Variants in NAPA observed in about 807,000 individuals in gnomAD.
NAPA encodes the protein alpha-soluble NSF attachment protein.
In NAPA, 18 loss-of-function variants were observed where a neutral mutation model predicts 48.0. The observed-to-expected ratio is 0.38, with a 90% CI of 0.26 to 0.56. NAPA has a LOEUF of 0.56. Among genes scored for constraint, NAPA ranks in the 20% least tolerant of loss-of-function variants. The probability of loss-of-function intolerance (pLI) is 0.77; values close to 1 mark genes in which losing one functional copy is unlikely to be tolerated. For missense variants in NAPA, 315 were observed against 385.0 expected (o/e 0.82, Z 1.52); for synonymous variants, 152 against 149.9 (o/e 1.01, Z -0.10).
downstream of NAPA, among the ~76,000 whole-genome samples, chr19:47,485,171 C>T (rs1405408657): frequency 6.6e-6 from 1 of 152,204 alleles, no homozygotes; most frequent in Non-Finnish European, 1.5e-5. Context: ...CAAGGGCCTA[C>T]TGTTACCCTC....
At position 47,495,717 on chromosome 19, in the gene NAPA, A is replaced by T. The variant is rs553897242; in HGVS notation, c.296-121T>A. 1.5e-4 allele frequency: 129 copies of T among 874,528 alleles called. 1 individual carries two copies. The African/African-American group carries it at 1.9e-3, about 13-fold the overall frequency. 54.2% of individuals were successfully genotyped at this position (874,528 alleles called of 1,614,324 possible). A position where few individuals can be genotyped will look rare whatever the true frequency, so the allele number is the denominator to read the frequency against. Reference sequence around the variant, plus strand: ...AGCAGAGAGATCAATAGGCGCTCAGAGCTGCCAGCGCTGCCACACACTCTC... The same window carrying T: ...AGCAGAGAGATCAATAGGCGCTCAGTGCTGCCAGCGCTGCCACACACTCTC... On this transcript the variant is annotated intron_variant, in intron 3 of 10. Transcript: ENST00000263354.
intron 9 of NAPA, among the ~76,000 whole-genome samples, chr19:47,490,366 TGTGTGTGTA>T (rs1170394965): frequency 5.8e-4 from 85 of 146,646 alleles, no homozygotes; most frequent in African/African-American, 2.0e-3. Flanking sequence ...CTGTGTGTGG[TGTGTGTGTA>T]GTGTGTGTGG....
chr19:47,500,342 TG>T (rs1327747326), intron 3 of NAPA, among the ~76,000 whole-genome samples: 1 of 152,054 alleles, frequency 6.6e-6, no homozygotes, highest in Non-Finnish European at 1.5e-5. Context: ...GGGTCTGCAA[TG>T]GAACTCCCAC....
At chr19:47,495,482 A>G in intron 4 of NAPA, 68 bp downstream of exon 4, 1 of 1,519,628 alleles carries the variant, frequency 6.6e-7, no homozygotes, top group South Asian at 1.1e-5. Context: ...GGGTGCTGAA[A>G]GAGGGGACGC....
intron 9 of NAPA, among the ~76,000 whole-genome samples, chr19:47,490,060 G>GGTGTGTGT: frequency 6.7e-6 from 1 of 148,316 alleles, no homozygotes; most frequent in East Asian, 2.0e-4. Context: ...GTGTGGTGGA[G>GGTGTGTGT]GTGTGTGTGT....
At chr19:47,498,696 GGCA>G (rs1012081889) in intron 3 of NAPA, among the ~76,000 whole-genome samples, 1 of 152,174 alleles carries the variant, frequency 6.6e-6, no homozygotes. Context: ...TGAAATTACA[GGCA>G]TGAGCCACTG....
At chr19:47,489,451 C>A in intron 10 of NAPA, 1 of 547,304 alleles carries the variant, frequency 1.8e-6, no homozygotes, top group Non-Finnish European at 3.3e-6. Context: ...CTCTGAACAC[C>A]AGCTCTGTCC....
At chr19:47,502,268 A>T (rs1031811576) in intron 2 of NAPA, among the ~76,000 whole-genome samples, 21 of 120,800 alleles carry the variant, frequency 1.7e-4, no homozygotes, top group South Asian at 5.5e-4. Context: ...AAAAAAAAAA[A>T]TTTCAAGAAA....
At chr19:47,489,229 G>C (rs1015159471) in intron 10 of NAPA, 32 of 165,894 alleles carry the variant, frequency 1.9e-4, no homozygotes, top group African/African-American at 7.6e-4. Flanking sequence ...GGAATGCTGG[G>C]AACAGAGAAA....
chr19:47,489,657 T>C (rs1968184765), intron 10 of NAPA, 54 bp downstream of exon 10: 2 of 1,599,036 alleles, frequency 1.3e-6, no homozygotes, highest in Admixed American at 3.4e-5. Flanking sequence ...AGGGCAGCTT[T>C]CCTAGGAGAC....
chr19:47,495,629 G>A (rs549828114), intron 3 of NAPA, 33 bp from the exon 4 acceptor site: 7 of 1,610,532 alleles, frequency 4.3e-6, no homozygotes, highest in East Asian at 2.2e-5. Context: ...GGAGACATGA[G>A]AAAGTGAAGT....
chr19:47,513,602 A>C (rs1968845601), intron 1 of NAPA, among the ~76,000 whole-genome samples: 2 of 152,134 alleles, frequency 1.3e-5, no homozygotes, highest in African/African-American at 2.4e-5. Flanking sequence ...GTTTTATGCC[A>C]CGTCATATGT....
intron 1 of NAPA, among the ~76,000 whole-genome samples, chr19:47,511,960 G>A (rs991622259): frequency 2.0e-5 from 3 of 152,136 alleles, no homozygotes; most frequent in Admixed American, 1.3e-4. Context: ...TAGCCTCCTC[G>A]GAGATCTTCA....
At chr19:47,492,913 G>T in intron 7 of NAPA, 48 bp downstream of exon 7, 1 of 1,580,432 alleles carries the variant, frequency 6.3e-7, no homozygotes, top group Non-Finnish European at 8.7e-7. Context: ...GGAGGCACAG[G>T]CCCTGAGAGG....
At chr19:47,498,318 C>T (rs910076681) in intron 3 of NAPA, among the ~76,000 whole-genome samples, 7 of 152,188 alleles carry the variant, frequency 4.6e-5, no homozygotes, top group African/African-American at 2.4e-5. Flanking sequence ...ACAAGGCACC[C>T]GGCCAAGGGC....
chr19:47,507,191 G>A (rs1229152747), intron 1 of NAPA, among the ~76,000 whole-genome samples: 1 of 152,156 alleles, frequency 6.6e-6, no homozygotes, highest in Non-Finnish European at 1.5e-5. Context: ...ACTGGTTTGG[G>A]CTGCCTGATG....
At chr19:47,508,962 G>C (rs185576625) in intron 1 of NAPA, among the ~76,000 whole-genome samples, 1 of 152,186 alleles carries the variant, frequency 6.6e-6, no homozygotes, top group African/African-American at 2.4e-5. Context: ...TACAGTCCCA[G>C]CTACTTGGGA....
chr19:47,493,565 C>G lies in NAPA; in HGVS notation c.343-72G>C. 2 of 1,359,964 alleles carry G rather than the reference C, an allele frequency of 1.5e-6. No homozygotes were observed. Among genetic ancestry groups the G allele is most frequent in the Non-Finnish European group, 2.1e-6 (2 of 954,954 alleles). 84.2% of individuals were successfully genotyped at this position (1,359,964 alleles called of 1,614,324 possible). On this transcript the variant is annotated intron_variant, in intron 4 of 10. Coordinates refer to ENST00000263354, the MANE Select transcript of NAPA (RefSeq NM_003827.4). This position sits in a 1 kb window ranked among gnomAD's most constrained non-coding sequence, Gnocchi z 6.4. The stretch of plus-strand genomic sequence containing the variant: ...CGTGCCTGCCTGCTGACCTATGACC[C>G]TTCAAGTTCCCACCCCTCAGCCACG...
At chr19:47,503,841 C>T (rs1599912931) in intron 1 of NAPA, among the ~76,000 whole-genome samples, 1 of 152,204 alleles carries the variant, frequency 6.6e-6, no homozygotes, top group Non-Finnish European at 1.5e-5. Context: ...GTCCCAGGCG[C>T]GCTACAAATC....
Sources: allele counts gnomAD v4.1 joint callset (sites outside exome capture counted in the v4.1 genomes callset), GRCh38; gene constraint gnomAD v4.1.1; non-coding constraint Gnocchi (gnomAD v3.1); transcripts MANE v1.5; gene names NCBI Gene and HGNC (gene_info 2026-07-23, HGNC 2026-07-21).